Variants in PRELID3A observed in about 807,000 individuals in gnomAD.
PRELID3A encodes the protein PRELI domain containing 3A, also known as PRELI domain containing protein 3A.
PRELID3A carries 27 observed loss-of-function variants against 23.0 expected under a neutral mutation model. That is an observed-to-expected ratio of 1.17 (90% CI 0.87 to 1.62). The LOEUF is 1.62. Ranked by LOEUF, PRELID3A falls within the 40% of genes most tolerant of loss-of-function variation. The pLI, the probability that PRELID3A is intolerant of heterozygous loss-of-function variation, is 0.00. For synonymous variants in PRELID3A, 87 were observed against 86.4 expected (o/e 1.01, Z -0.04); for missense variants, 231 against 231.4 (o/e 1.00, Z 0.01).
intron 1 of PRELID3A, among the ~76,000 whole-genome samples, chr18:12,415,785 C>T (rs1444004516): frequency 6.6e-6 from 1 of 152,194 alleles, no homozygotes; most frequent in Non-Finnish European, 1.5e-5. Flanking sequence ...ACTGTTGGTG[C>T]TTAGAGAGTC....
chr18:12,428,084 T>C lies in PRELID3A; in HGVS notation c.465+761T>C, dbSNP rs139046090. On this transcript the variant is annotated intron_variant, in intron 5 of 6. Transcript: ENST00000440960. ...GGCTTTGGCTGAACCTCTCCAGCAG[T>C]GACGCTTCCATGGAGCCTGCTGCCG... 6.0e-4 allele frequency among the ~76,000 whole-genome samples: 92 copies of C among 152,332 alleles called. 2 individuals carry two copies. In the East Asian group the frequency reaches 0.017, roughly 28 times the overall value.
intron 2 of PRELID3A, among the ~76,000 whole-genome samples, chr18:12,421,074 G>C (rs950634567): frequency 6.6e-6 from 1 of 152,162 alleles, no homozygotes; most frequent in African/African-American, 2.4e-5. Context: ...ATCTGAGCAC[G>C]GCTCACCCCA....
intron 1 of PRELID3A, among the ~76,000 whole-genome samples, chr18:12,415,636 G>A (rs188716880): frequency 1.2e-3 from 176 of 152,192 alleles, no homozygotes; most frequent in African/African-American, 4.1e-3. Flanking sequence ...ACTGAGAGCC[G>A]GTGCCACCCC....
chr18:12,419,637 A>G (rs1348672935), intron 1 of PRELID3A, among the ~76,000 whole-genome samples: 9 of 150,176 alleles, frequency 6.0e-5, no homozygotes, highest in African/African-American at 2.2e-4. Context: ...TCAAAAAAAA[A>G]TTAATTAATT....
chr18:12,421,641 C>T lies in PRELID3A; in HGVS notation c.291+12C>T. On this transcript the variant is annotated intron_variant, in intron 3 of 6. Coordinates refer to ENST00000440960, the MANE Select transcript of PRELID3A (RefSeq NM_001142405.2). ...TTTGTTCTACCAATGTAAGCAATGG[C>T]CTCAGATGAGAAACGGGCTCAGTGT... 6.3e-7 allele frequency: 1 copy of T among 1,582,416 alleles called. No individual in the cohort carries two copies. The highest frequency in any genetic ancestry group is 1.1e-5 in the South Asian group (1 of 90,250).
Position 12,420,473 on chromosome 18 carries a change from C to T in PRELID3A, c.181C>T (p.Leu61=), listed in dbSNP as rs1206457225. The T allele has an allele frequency of 6.5e-7, 1 of 1,549,308 alleles. No individual in the cohort carries two copies. The highest frequency in any genetic ancestry group is 8.7e-7 in the Non-Finnish European group (1 of 1,146,442). Residue 61 remains leucine, a synonymous_variant, in exon 2 of 7, where the codon CTG becomes TTG. Coordinates refer to ENST00000440960, the MANE Select transcript of PRELID3A (RefSeq NM_001142405.2). ...GCGCCTGCTCAGCACCGAGTGGGGG[C>T]TGCCCAGCCTCGTGAGAGCGGTGAG... is the stretch of plus-strand genomic sequence containing the variant. ...SLRLLSTEWG[L]PSLVRAILGT...
intron 1 of PRELID3A, among the ~76,000 whole-genome samples, chr18:12,412,108 T>G (rs971821689): frequency 1.3e-5 from 2 of 151,548 alleles, no homozygotes; most frequent in Admixed American, 6.6e-5. Flanking sequence ...GCCAGGATGG[T>G]CTCCATCTCC....
chr18:12,409,966 A>G (rs140523824), intron 1 of PRELID3A, among the ~76,000 whole-genome samples: 163 of 152,302 alleles, frequency 1.1e-3, no homozygotes, highest in Middle Eastern at 3.4e-3. Context: ...GTCCTCCTGC[A>G]GAGGTGCCCC....
At chr18:12,420,138 G>C in intron 1 of PRELID3A, 187 bp from the exon 2 acceptor site, 1 of 1,425,512 alleles carries the variant, frequency 7.0e-7, no homozygotes, top group Non-Finnish European at 9.1e-7. Context: ...GCCAGGTGCC[G>C]AGGCGTGCAG....
chr18:12,407,944 G>C lies in PRELID3A; in HGVS notation c.-32G>C, dbSNP rs976537539. ...CGCGCGGCCCGAAGCACCCGGCCCG[G>C]ATCGCAGAGCCCGCGCCCTGCGCCG... On this transcript the variant is annotated 5_prime_UTR_variant, in exon 1 of 7. Transcript: ENST00000440960. 8 of 1,291,826 alleles carry C rather than the reference G, an allele frequency of 6.2e-6. No homozygotes were observed. The African/African-American group carries it at 7.8e-5, about 13-fold the overall frequency. The allele number at this position is 1,291,826 out of a possible 1,614,324, so 80.0% of individuals were successfully genotyped here.
intron 1 of PRELID3A, among the ~76,000 whole-genome samples, chr18:12,408,458 C>T (rs555514979): frequency 7.9e-5 from 12 of 152,264 alleles, no homozygotes; most frequent in African/African-American, 2.6e-4. Flanking sequence ...CCGCGCGTTT[C>T]ACGGAGGGCC....
intron 1 of PRELID3A, chr18:12,420,113 A>G: frequency 2.8e-6 from 4 of 1,418,966 alleles, no homozygotes; most frequent in Non-Finnish European, 2.8e-6. Flanking sequence ...TCAGACAAAC[A>G]AAAACCAAGG....
chr18:12,423,271 C>T lies in PRELID3A; in HGVS notation c.291+1642C>T, dbSNP rs370065229. Among the ~76,000 whole-genome samples the T allele has an allele frequency of 3.4e-4, 51 of 152,180 alleles. 1 individual carries two copies. The South Asian group carries it at 0.011, about 32-fold the overall frequency. On this transcript the variant is annotated intron_variant, in intron 3 of 6. Coordinates refer to ENST00000440960, the MANE Select transcript of PRELID3A (RefSeq NM_001142405.2). ...AGGCAGAGGAGCCGGAGGTCGTTTT[C>T]GTGGTAAGAGGGAGCCACTGAGAGT... is the stretch of plus-strand genomic sequence containing the variant.
intron 1 of PRELID3A, among the ~76,000 whole-genome samples, chr18:12,417,505 A>T (rs1568161849): frequency 6.6e-6 from 1 of 152,218 alleles, no homozygotes; most frequent in African/African-American, 2.4e-5. Context: ...TGAAAGAAAC[A>T]TTATTTGAGA....
intron 3 of PRELID3A, among the ~76,000 whole-genome samples, chr18:12,422,922 C>G (rs2030236442): frequency 1.3e-5 from 2 of 152,234 alleles, no homozygotes; most frequent in Admixed American, 6.5e-5. Context: ...TTTACTGGTT[C>G]TGCCAACGGT....
intron 2 of PRELID3A, 125 bp from the exon 3 acceptor site, chr18:12,421,415 C>T (rs1341078953): frequency 2.9e-6 from 2 of 687,212 alleles, no homozygotes; most frequent in Non-Finnish European, 5.2e-6. Context: ...TGTCTCTGTC[C>T]CTTGCTGCAT....
chr18:12,421,828 T>C (rs2030192178), intron 3 of PRELID3A, among the ~76,000 whole-genome samples, 199 bp downstream of exon 3: 1 of 152,174 alleles, frequency 6.6e-6, no homozygotes, highest in African/African-American at 2.4e-5. Context: ...TGATGAATTG[T>C]CACAAAGAAC....
intron 1 of PRELID3A, among the ~76,000 whole-genome samples, chr18:12,417,237 G>A (rs961303124): frequency 1.3e-4 from 20 of 152,004 alleles, no homozygotes; most frequent in Non-Finnish European, 2.2e-4. Flanking sequence ...GCAGTGGCGC[G>A]ATCTCGGCTC....
At chr18:12,411,343 G>A (rs1259272154) in intron 1 of PRELID3A, among the ~76,000 whole-genome samples, 1 of 151,292 alleles carries the variant, frequency 6.6e-6, no homozygotes, top group Non-Finnish European at 1.5e-5. Flanking sequence ...GCGGGTGCCT[G>A]TAGTCCCAGC....
Sources: gnomAD v4.1 joint callset for allele counts (sites outside exome capture counted in the v4.1 genomes callset) on GRCh38, gnomAD v4.1.1 for gene constraint, MANE v1.5 for transcripts, NCBI Gene and HGNC (gene_info 2026-07-23, HGNC 2026-07-21) for gene names.